MTUS2: variants seen among roughly 807,000 people sequenced by gnomAD.
The protein encoded by MTUS2 is microtubule-associated tumor suppressor candidate 2.
MTUS2 carries 40 observed loss-of-function variants against 114.1 expected under a neutral mutation model. The observed-to-expected ratio is 0.35, with a 90% CI of 0.27 to 0.46. The LOEUF (loss-of-function observed/expected upper bound fraction) is 0.46, where lower values mean the gene tolerates loss of function less well. Among genes scored for constraint, MTUS2 ranks in the 20% least tolerant of loss-of-function variants. The pLI is 1.00. For missense variants in MTUS2, 1,679 were observed against 1,705.4 expected, an observed-to-expected ratio of 0.98 and a Z score of 0.27; for synonymous variants, 688 against 672.0, an observed-to-expected ratio of 1.02 and a Z score of -0.37.
In MTUS2 at chr13:29,197,531, G is replaced by A. The variant is rs187485529; in HGVS notation, c.2645-84173G>A. 3.8e-3 allele frequency among the ~76,000 whole-genome samples: 584 copies of A among 152,188 alleles called. 3 individuals carry two copies. Among genetic ancestry groups the A allele is most frequent in the Non-Finnish European group, 5.7e-3 (389 of 68,026 alleles). On this transcript the variant is annotated intron_variant, in intron 5 of 15. Coordinates refer to ENST00000612955, the MANE Select transcript of MTUS2 (RefSeq NM_001033602.4). ...GTGAATAGTGCAGCAATAAACATAC[G>A]TGTGCATGTATCTTTATAGTAGAAT...
At chr13:29,202,714 G>A (rs1895010934) in intron 5 of MTUS2, among the ~76,000 whole-genome samples, 1 of 152,128 alleles carries the variant, frequency 6.6e-6, no homozygotes, top group Admixed American at 6.5e-5. Flanking sequence ...TTTTGTTAAT[G>A]TTATGCTATT....
At chr13:29,107,245 C>T (rs1272645021) in intron 5 of MTUS2, among the ~76,000 whole-genome samples, 1 of 152,074 alleles carries the variant, frequency 6.6e-6, no homozygotes, top group African/African-American at 2.4e-5. Context: ...TTTATGTCCT[C>T]TCTCCCCTAC....
chr13:29,429,691 T>C (rs1876842770), intron 8 of MTUS2, among the ~76,000 whole-genome samples: 1 of 152,272 alleles, frequency 6.6e-6, no homozygotes, highest in Non-Finnish European at 1.5e-5. Context: ...TTTATTGTCA[T>C]GCATATTTGG....
intron 5 of MTUS2, among the ~76,000 whole-genome samples, chr13:29,191,158 T>A (rs1894433037): frequency 6.6e-6 from 1 of 152,070 alleles, no homozygotes; most frequent in South Asian, 2.1e-4. Context: ...TCATTTTTAG[T>A]CATGCTGCCC....
rs11433859 is a variant in MTUS2 at position 29,365,494 on chromosome 13, GT to G, written c.3117+6028del. 3.0e-4 allele frequency among the ~76,000 whole-genome samples: 46 copies of G among 151,066 alleles called. 1 individual carries two copies. The highest frequency in any genetic ancestry group is 1.0e-4 in the Non-Finnish European group (7 of 67,904). ...CTCACTTATGCTTTGTCATCAATACGTTTTTTTGTTTGGGTTTGTGTGTGTG... is the reference window on the plus strand; with the variant it reads ...CTCACTTATGCTTTGTCATCAATACGTTTTTTGTTTGGGTTTGTGTGTGTG... On this transcript the variant is annotated intron_variant, in intron 8 of 15. Coordinates refer to ENST00000612955, the MANE Select transcript of MTUS2 (RefSeq NM_001033602.4).
At chr13:29,344,277 T>A (rs1262544662) in intron 7 of MTUS2, among the ~76,000 whole-genome samples, 1 of 152,060 alleles carries the variant, frequency 6.6e-6, no homozygotes, top group Non-Finnish European at 1.5e-5. Flanking sequence ...TGTGCTGCCA[T>A]CTTACCTCAT....
chr13:29,395,509 AAAG>A (rs1476347258), intron 8 of MTUS2, among the ~76,000 whole-genome samples: 36 of 152,170 alleles, frequency 2.4e-4, no homozygotes, highest in African/African-American at 8.4e-4. Flanking sequence ...GAGATGAGGA[AAAG>A]AAGAGGGAGA....
chr13:29,404,521 C>T lies in MTUS2; in HGVS notation c.3118-35462C>T, dbSNP rs1297028156. On this transcript the variant is annotated intron_variant, in intron 8 of 15. Coordinates refer to ENST00000612955, the MANE Select transcript of MTUS2 (RefSeq NM_001033602.4). ...GAGATTCAAGACCAGTATTTGTCCC[C>T]CGTCTCCTCCCTAACCTCATCCCTC... Among the ~76,000 whole-genome samples the T allele has an allele frequency of 2.0e-5, 3 of 152,118 alleles. No homozygotes were observed. In the South Asian group the frequency reaches 6.2e-4, roughly 32 times the overall value.
chr13:29,334,860 G>T (rs1278816320), intron 7 of MTUS2, among the ~76,000 whole-genome samples: 1 of 152,190 alleles, frequency 6.6e-6, no homozygotes, highest in Non-Finnish European at 1.5e-5. Flanking sequence ...CAATACTCTT[G>T]TGATTTCCTA....
At chr13:28,982,538 G>T (rs1452362672) in intron 2 of MTUS2, among the ~76,000 whole-genome samples, 2 of 152,116 alleles carry the variant, frequency 1.3e-5, no homozygotes, top group Non-Finnish European at 2.9e-5. Flanking sequence ...CAAAAGCAGT[G>T]AAAGCAGGGA....
At chr13:28,861,676 AGTGCCT>A (rs1876994449) in intron 2 of MTUS2, among the ~76,000 whole-genome samples, 1 of 152,144 alleles carries the variant, frequency 6.6e-6, no homozygotes, top group Admixed American at 6.5e-5. Flanking sequence ...AGCCTACAAC[AGTGCCT>A]GGCACATGGT....
At chr13:29,484,449 C>T (rs932285809) in intron 10 of MTUS2, among the ~76,000 whole-genome samples, 4 of 152,198 alleles carry the variant, frequency 2.6e-5, no homozygotes, top group African/African-American at 4.8e-5. Flanking sequence ...CGGGAGGAGG[C>T]GGTGCAGTGG....
chr13:29,106,681 T>A (rs1212964213), intron 5 of MTUS2, among the ~76,000 whole-genome samples: 1 of 152,132 alleles, frequency 6.6e-6, no homozygotes, highest in African/African-American at 2.4e-5. Flanking sequence ...TTGCCTTCTT[T>A]TCTGTTCACT....
At chr13:29,488,437 CTTT>C (rs35983023) in intron 11 of MTUS2, among the ~76,000 whole-genome samples, 76 of 113,758 alleles carry the variant, frequency 6.7e-4, no homozygotes, top group East Asian at 3.6e-3. Context: ...TTTTTTTCCT[CTTT>C]TTTTTTTTTT....
At chr13:29,402,841 A>C (rs1316705969) in intron 8 of MTUS2, among the ~76,000 whole-genome samples, 1 of 152,154 alleles carries the variant, frequency 6.6e-6, no homozygotes, top group African/African-American at 2.4e-5. Flanking sequence ...GGTTCAAGCA[A>C]TTCTCCTGCT....
At chr13:29,037,344 T>C (rs531001371) in intron 4 of MTUS2, among the ~76,000 whole-genome samples, 3 of 152,322 alleles carry the variant, frequency 2.0e-5, no homozygotes, top group Non-Finnish European at 4.4e-5. Flanking sequence ...TGGCTCCCAC[T>C]CTCTTCTGGC....
chr13:28,853,249 T>C (rs17072317), intron 2 of MTUS2, among the ~76,000 whole-genome samples: 2,634 of 152,316 alleles, frequency 0.017, 67 homozygotes, highest in African/African-American at 0.059. Context: ...TTTTCTCCAC[T>C]GATGATATAT....
chr13:29,218,414 C>T (rs149590049), intron 5 of MTUS2, among the ~76,000 whole-genome samples: 110 of 152,314 alleles, frequency 7.2e-4, no homozygotes, highest in African/African-American at 2.6e-3. Context: ...CAATTTCTTT[C>T]AAACTGCTGT....
chr13:29,124,414 TA>T (rs943100424), intron 5 of MTUS2, among the ~76,000 whole-genome samples: 1 of 152,092 alleles, frequency 6.6e-6, no homozygotes. Context: ...CTATTTTTTT[TA>T]AAAAGCCCAG....
Sources: gnomAD v4.1 joint callset for allele counts (sites outside exome capture counted in the v4.1 genomes callset) on GRCh38, gnomAD v4.1.1 for gene constraint, MANE v1.5 for transcripts, NCBI Gene and HGNC (gene_info 2026-07-23, HGNC 2026-07-21) for gene names.